The following TP73 variants were observed in gnomAD, a reference collection of about 807,000 sequenced individuals.
TP73 encodes the protein tumor protein p73, also known as p53-like transcription factor.
In TP73, 25 loss-of-function variants were observed where a neutral mutation model predicts 62.5. The ratio of observed to expected loss-of-function variants is 0.40; its 90% CI spans 0.29 to 0.56. The LOEUF (loss-of-function observed/expected upper bound fraction) is 0.56. Among genes scored for constraint, TP73 ranks in the 20% least tolerant of loss-of-function variants. The pLI is 0.46. For synonymous variants in TP73, 423 were observed against 377.5 expected (o/e 1.12, Z -1.40); for missense variants, 754 against 913.3 (o/e 0.83, Z 2.25).
chr1:3,703,855 G>A (rs139541071), intron 3 of TP73, among the ~76,000 whole-genome samples: 163 of 152,336 alleles, frequency 1.1e-3, no homozygotes, highest in African/African-American at 3.5e-3. Flanking sequence ...GGACTCAAAT[G>A]AGTCAGGAAT....
At chr1:3,684,216 G>GCTGCC (rs1452785704) in intron 3 of TP73, among the ~76,000 whole-genome samples, 1 of 152,226 alleles carries the variant, frequency 6.6e-6, no homozygotes, top group Non-Finnish European at 1.5e-5. Flanking sequence ...CCACAGGCTG[G>GCTGCC]CTGCCCCGCC....
chr1:3,704,250 T>C (rs951857449), intron 3 of TP73, among the ~76,000 whole-genome samples: 1 of 152,234 alleles, frequency 6.6e-6, no homozygotes, highest in South Asian at 2.1e-4. Context: ...AATTATTTCC[T>C]GTATTCACCC....
At chr1:3,679,644 GTCTCTC>G (rs377716448) in intron 1 of TP73, among the ~76,000 whole-genome samples, 3 of 144,464 alleles carry the variant, frequency 2.1e-5, no homozygotes, top group South Asian at 2.2e-4. Flanking sequence ...CTCTGTCTCT[GTCTCTC>G]TCTCTCTTTG....
intron 3 of TP73, among the ~76,000 whole-genome samples, chr1:3,697,317 C>T (rs1399557909): frequency 6.6e-6 from 1 of 152,250 alleles, no homozygotes; most frequent in Non-Finnish European, 1.5e-5. Context: ...GCTCCGACCA[C>T]CTCTCCCGCT....
chr1:3,682,438 C>T lies in TP73; in HGVS notation c.65+8C>T, dbSNP rs778294154. The T allele has an allele frequency of 8.6e-6, 13 of 1,510,826 alleles. No individual in the cohort carries two copies. Among genetic ancestry groups the T allele is most frequent in the African/African-American group, 4.2e-5 (3 of 72,220 alleles). 93.6% of individuals were successfully genotyped at this position (1,510,826 alleles called of 1,614,324 possible). A position where few individuals can be genotyped will look rare whatever the true frequency, so the allele number is the denominator to read the frequency against. On this transcript the variant is annotated splice_region_variant and intron_variant, in intron 2 of 13. Coordinates refer to ENST00000378295, the MANE Select transcript of TP73 (RefSeq NM_005427.4). ...GCACCTCTGGAGCTCTCTGTGAGTG[C>T]GCTTGGCTGGCCAGAGCTGGGGGCC...
chr1:3,715,651 G>C (rs1640532710), intron 4 of TP73, among the ~76,000 whole-genome samples: 1 of 152,178 alleles, frequency 6.6e-6, no homozygotes, highest in Admixed American at 6.5e-5. Flanking sequence ...CCTGGCAGGT[G>C]GACAGCACTC....
intron 11 of TP73, 97 bp from the exon 12 acceptor site, chr1:3,730,830 G>A (rs1351558157): frequency 2.1e-6 from 3 of 1,436,226 alleles, no homozygotes; most frequent in African/African-American, 2.9e-5. Context: ...GCCTTGGGAT[G>A]GCTCCCTGGT....
rs1192016384 is a variant in TP73, at chr1:3,731,436, G to A, written c.1485-27G>A. ...AGCCCTGTGCTCGGAAGCTAATGCT[G>A]CTTCCTTTCTCAAATTCTCTCTGCA... On this transcript the variant is annotated intron_variant, in intron 12 of 13. Transcript: ENST00000378295. 3.1e-6 allele frequency: 5 copies of A among 1,608,568 alleles called. No homozygotes were observed. The East Asian group carries it at 6.7e-5, about 22-fold the overall frequency.
At chr1:3,717,178 C>T (rs1232504506) in intron 4 of TP73, among the ~76,000 whole-genome samples, 1 of 152,222 alleles carries the variant, frequency 6.6e-6, no homozygotes, top group Non-Finnish European at 1.5e-5. Context: ...CTGCCCGTGC[C>T]GGGCACCCAG....
chr1:3,676,202 C>G, intron 1 of TP73, among the ~76,000 whole-genome samples: 1 of 138,206 alleles, frequency 7.2e-6, no homozygotes, highest in Non-Finnish European at 1.5e-5. Flanking sequence ...AGGACGGGGA[C>G]AGAGGATGGG....
At position 3,732,939 on chromosome 1, in the gene TP73, C is replaced by T. The variant is rs201509863; in HGVS notation, c.1771C>T (p.Arg591Cys). Residue 591 changes from arginine (R) to cysteine (C), a missense_variant, in exon 14 of 14, where the codon CGC (arginine) becomes TGC (cysteine). Coordinates refer to ENST00000378295, the MANE Select transcript of TP73 (RefSeq NM_005427.4). ...RVMEAVHFRV[R>C]HTITIPNRGG... is the part of the protein sequence containing the mutation. ...CATGGAGGCCGTGCACTTCCGCGTG[C>T]GCCACACCATCACCATCCCCAACCG... The T allele has an allele frequency of 9.9e-6, 16 of 1,609,714 alleles. No individual in the cohort carries two copies. Among genetic ancestry groups the T allele is most frequent in the Non-Finnish European group, 1.2e-5 (14 of 1,179,340 alleles).
chr1:3,680,625 C>T (rs892133868), intron 1 of TP73, among the ~76,000 whole-genome samples: 2 of 152,232 alleles, frequency 1.3e-5, no homozygotes, highest in African/African-American at 4.8e-5. Flanking sequence ...CAAGAGGCTA[C>T]CCTACTCATA....
chr1:3,719,253 G>A (rs1050449315), intron 4 of TP73, among the ~76,000 whole-genome samples: 4 of 152,124 alleles, frequency 2.6e-5, no homozygotes, highest in African/African-American at 7.2e-5. Flanking sequence ...GAGGAGAGAC[G>A]AGGGGGACAG....
chr1:3,721,487 GCT>G (rs1413332383), intron 4 of TP73, among the ~76,000 whole-genome samples: 1 of 152,264 alleles, frequency 6.6e-6, no homozygotes, highest in Non-Finnish European at 1.5e-5. Flanking sequence ...AACCCAGAGA[GCT>G]CTCTATGGAA....
chr1:3,695,667 G>A (rs567220675), intron 3 of TP73, among the ~76,000 whole-genome samples: 27 of 152,374 alleles, frequency 1.8e-4, no homozygotes, highest in African/African-American at 6.3e-4. Context: ...CCCTGGGGCG[G>A]GGGGAAGCCA....
At chr1:3,720,406 G>A (rs1353006083) in intron 4 of TP73, among the ~76,000 whole-genome samples, 1 of 152,202 alleles carries the variant, frequency 6.6e-6, no homozygotes, top group African/African-American at 2.4e-5. Flanking sequence ...GAGGACCTAG[G>A]AGGGGCCAGC....
intron 4 of TP73, among the ~76,000 whole-genome samples, chr1:3,719,668 T>C (rs992739379): frequency 1.3e-5 from 2 of 152,178 alleles, no homozygotes; most frequent in African/African-American, 4.8e-5. Flanking sequence ...TACCTGCTTA[T>C]CCTTCCAAGT....
chr1:3,669,975 C>T (rs947782436), intron 1 of TP73, among the ~76,000 whole-genome samples: 44 of 152,234 alleles, frequency 2.9e-4, no homozygotes, highest in African/African-American at 9.9e-4. Flanking sequence ...GGTAGGGAAA[C>T]TGAGTGACCA....
chr1:3,683,166 A>T lies in TP73; in HGVS notation c.172A>T (p.Thr58Ser), dbSNP rs146411154. 7.6e-5 allele frequency: 122 copies of T among 1,609,562 alleles called. No individual in the cohort carries two copies. Among genetic ancestry groups the T allele is most frequent in the Non-Finnish European group, 1.0e-4 (118 of 1,177,684 alleles). Residue 58 changes from threonine (T) to serine (S), a missense_variant, in exon 3 of 14, where the codon ACT becomes TCT. Coordinates refer to ENST00000378295, the MANE Select transcript of TP73 (RefSeq NM_005427.4). ...SMDVFHLEGM[T>S]TSVMAQFNLL... ...GGACGTCTTCCACCTGGAGGGCATG[A>T]CTACATCTGTCATGGTGAGTGGGGG...
Sources: gnomAD v4.1 joint callset for allele counts (sites outside exome capture counted in the v4.1 genomes callset) on GRCh38, gnomAD v4.1.1 for gene constraint, MANE v1.5 for transcripts, NCBI Gene and HGNC (gene_info 2026-07-23, HGNC 2026-07-21) for gene names.